EPS8L2: variants seen among roughly 807,000 people sequenced by gnomAD.
EPS8L2 encodes epidermal growth factor receptor kinase substrate 8-like protein 2.
In EPS8L2, 81 loss-of-function variants were observed where a neutral mutation model predicts 99.4. That is an observed-to-expected ratio of 0.82 (90% confidence interval 0.68 to 0.98). The LOEUF is 0.98. EPS8L2 is among the 50% of genes least tolerant of loss of function. The pLI, the probability that EPS8L2 is intolerant of heterozygous loss-of-function variation, is 0.00. For synonymous variants in EPS8L2, 509 were observed against 407.3 expected (o/e 1.25, Z -3.01); for missense variants, 1,155 against 968.8 (o/e 1.19, Z -2.55).
intron 3 of EPS8L2, chr11:709,943 C>T (rs1861839420): frequency 2.2e-6 from 1 of 458,398 alleles, no homozygotes; most frequent in African/African-American, 2.0e-5. Flanking sequence ...GGCCAGCCCC[C>T]ACCTCCCCCC....
intron 18 of EPS8L2, 63 bp downstream of exon 18, chr11:726,233 G>T (rs1016949585): frequency 2.6e-6 from 4 of 1,561,048 alleles, no homozygotes; most frequent in Admixed American, 3.8e-5. Flanking sequence ...AGGAAGTGTG[G>T]GGGGGGTCCC....
At chr11:717,827 G>T (rs1292034248) in intron 4 of EPS8L2, among the ~76,000 whole-genome samples, 1 of 150,836 alleles carries the variant, frequency 6.6e-6, no homozygotes, top group Admixed American at 6.6e-5. Context: ...GGCTAATATG[G>T]TGAAACCCCA....
At position 720,190 on chromosome 11, in the gene EPS8L2, C is replaced by T; in HGVS notation, c.294C>T (p.Asp98=). The T allele has an allele frequency of 1.2e-6, 2 of 1,613,352 alleles. No individual in the cohort carries two copies. The highest frequency in any genetic ancestry group is 2.2e-5 in the East Asian group (1 of 44,868). The change falls in exon 5 of 21, where the codon GAC becomes GAT. Residue 98 remains aspartate, a synonymous_variant. Coordinates refer to ENST00000318562, the MANE Select transcript of EPS8L2 (RefSeq NM_022772.4). ...AGGAGATGCTGCTGCAGGTGAACGA[C>T]CAGTCGCTGCGGCTGCTGGACATCG... The part of the protein sequence containing the change: ...WTQEMLLQVN[D]QSLRLLDIES...
intron 4 of EPS8L2, among the ~76,000 whole-genome samples, chr11:711,741 T>C (rs1861894798): frequency 6.6e-6 from 1 of 151,970 alleles, no homozygotes; most frequent in Non-Finnish European, 1.5e-5. Context: ...CCCAGCACTT[T>C]GGGAGGCTGA....
rs1862206445 is a variant in EPS8L2, at chr11:722,454, G to A, written c.1113G>A (p.Leu371=). 2 of 1,613,488 alleles carry A rather than the reference G, an allele frequency of 1.2e-6. No individual in the cohort carries two copies. The highest frequency in any genetic ancestry group is 1.7e-6 in the Non-Finnish European group (2 of 1,179,946). ...TCGCACGCTCCGTCTCCTGCCCACT[G>A]CTCTCCCGAGATGCCGTGGACTTCC... ...PDIARSVSCP[L]LSRDAVDFLR... Residue 371 remains leucine, a synonymous_variant, in exon 13 of 21, where the codon CTG becomes CTA. Transcript: ENST00000318562.
At position 727,291 on chromosome 11, in the gene EPS8L2, T is replaced by A. The variant is rs1314453071; in HGVS notation, c.*310T>A. 2 of 280,812 alleles carry A rather than the reference T, an allele frequency of 7.1e-6. No individual in the cohort carries two copies. Among genetic ancestry groups the A allele is most frequent in the African/African-American group, 2.2e-5 (1 of 44,536 alleles). 17.4% of individuals were successfully genotyped at this position (280,812 alleles called of 1,614,324 possible). The stretch of plus-strand genomic sequence containing the variant: ...CTTTCTCTGGCCTCCCCTGTGCACC[T>A]GGGGGGTCCTGGCCCCTGTGATGCT... On this transcript the variant is annotated 3_prime_UTR_variant, in exon 21 of 21. Transcript: ENST00000318562.
Position 724,684 on chromosome 11 carries a change from C to A in EPS8L2, c.1455-40C>A. On this transcript the variant is annotated intron_variant, in intron 15 of 20. Coordinates refer to ENST00000318562, the MANE Select transcript of EPS8L2 (RefSeq NM_022772.4). This position sits in a 1 kb window ranked among gnomAD's most constrained non-coding sequence, Gnocchi z 5.5. ...CCACTGCCCAGGTCTCAGAGGAGACCCCCACCAGACTGGGCCTCAGCCCCT... is the reference window on the plus strand; with the variant it reads ...CCACTGCCCAGGTCTCAGAGGAGACACCCACCAGACTGGGCCTCAGCCCCT... 1 of 1,465,102 alleles carries A rather than the reference C, an allele frequency of 6.8e-7. No individual in the cohort carries two copies. The highest frequency in any genetic ancestry group is 9.6e-7 in the Non-Finnish European group (1 of 1,045,896). The allele number at this position is 1,465,102 out of a possible 1,614,324, so 90.8% of individuals were successfully genotyped here. A position where few individuals can be genotyped will look rare whatever the true frequency, so the allele number is the denominator to read the frequency against.
rs1861847947 is a variant in EPS8L2, at chr11:710,215, G to A, written c.101-207G>A. On this transcript the variant is annotated intron_variant, in intron 3 of 20. Coordinates refer to ENST00000318562, the MANE Select transcript of EPS8L2 (RefSeq NM_022772.4). ...AAGCCCATCGCCTTCTCCGAGCTGC[G>A]TCCTTCTCCAAGGGGGCTTCCCTGG... The A allele has an allele frequency of 5.2e-6, 3 of 572,002 alleles. 1 individual carries two copies. Among genetic ancestry groups the A allele is most frequent in the Admixed American group, 2.9e-5 (1 of 34,086 alleles). The allele number at this position is 572,002 out of a possible 1,614,324, so 35.4% of individuals were successfully genotyped here.
At chr11:719,443 G>A (rs958691181) in intron 4 of EPS8L2, among the ~76,000 whole-genome samples, 5 of 152,238 alleles carry the variant, frequency 3.3e-5, no homozygotes, top group African/African-American at 1.2e-4. Flanking sequence ...GGCCTGGAAA[G>A]AGGAGAGGTG....
At position 720,985 on chromosome 11, in the gene EPS8L2, G is replaced by GGGGA. The variant is rs1554952095; in HGVS notation, c.558-75_558-72dup. 397 of 1,372,700 alleles carry GGGGA rather than the reference G, an allele frequency of 2.9e-4. 3 individuals are homozygous for GGGGA. In the East Asian group the frequency reaches 4.7e-3, roughly 16 times the overall value. The allele number at this position is 1,372,700 out of a possible 1,614,324, so 85.0% of individuals were successfully genotyped here. ...CGGCAGGGGAGGGGAGGAGCCGGCA[G>GGGGA]GGGAGGGGAGGAGCCCGGCAGGGAG... On this transcript the variant is annotated intron_variant, in intron 7 of 20. Transcript: ENST00000318562.
Position 720,583 on chromosome 11 carries a change from C to A in EPS8L2, c.328-14C>A. ...ACCCCGGGTGCGAGTCGTGTCCGCG[C>A]GATGTACCCGCAGGAGGAGCTGGAA... is the stretch of plus-strand genomic sequence containing the variant. On this transcript the variant is annotated splice_polypyrimidine_tract_variant and intron_variant, in intron 5 of 20. Transcript: ENST00000318562. 1 of 1,594,332 alleles carries A rather than the reference C, an allele frequency of 6.3e-7. No individual in the cohort carries two copies. Among genetic ancestry groups the A allele is most frequent in the Non-Finnish European group, 8.5e-7 (1 of 1,172,346 alleles).
intron 4 of EPS8L2, among the ~76,000 whole-genome samples, chr11:710,801 G>A (rs1861869773): frequency 6.6e-6 from 1 of 152,150 alleles, no homozygotes; most frequent in African/African-American, 2.4e-5. Flanking sequence ...GAAAGCTCCA[G>A]GGAGAGTGGT....
chr11:707,613 C>T (rs764187879), intron 1 of EPS8L2, among the ~76,000 whole-genome samples: 4 of 152,042 alleles, frequency 2.6e-5, no homozygotes, highest in Admixed American at 1.3e-4. Context: ...CCCAGGGGGG[C>T]GGGGCTCCCA....
Position 720,848 on chromosome 11 carries a change from G to A in EPS8L2, c.496G>A (p.Asp166Asn). Reference protein sequence around the residue: ...DEVEAELVHEDIESALADCRL... With the variant: ...DEVEAELVHENIESALADCRL... ...TTCCCAGGCAGAGCTGGTGCACGAG[G>A]ACATCGAGAGCGCGTTGGCCGACTG... The change falls in exon 7 of 21, where the codon GAC becomes AAC. Residue 166 changes from aspartate (D) to asparagine (N), a missense_variant. Physicochemically the swap from Asp to Asn is conservative, Grantham distance 23. Transcript: ENST00000318562. 6.5e-7 allele frequency: 1 copy of A among 1,540,588 alleles called. No individual in the cohort carries two copies. The highest frequency in any genetic ancestry group is 8.7e-7 in the Non-Finnish European group (1 of 1,146,072).
In EPS8L2 at chr11:719,256, C is replaced by T. The variant is rs746213560; in HGVS notation, c.166-806C>T. On this transcript the variant is annotated intron_variant, in intron 4 of 20. Coordinates refer to ENST00000318562, the MANE Select transcript of EPS8L2 (RefSeq NM_022772.4). ...TGCTGGGATGATAGATGTGAGCCAC[C>T]GCGCCCGGCCACACAAACTTTTATG... Among the ~76,000 whole-genome samples the T allele has an allele frequency of 3.0e-4, 46 of 152,326 alleles. 1 individual carries two copies. The highest frequency in any genetic ancestry group is 1.9e-3 in the South Asian group (9 of 4,830).
At chr11:722,058 C>A in intron 11 of EPS8L2, 33 bp from the exon 12 acceptor site, 1 of 1,610,592 alleles carries the variant, frequency 6.2e-7, no homozygotes, top group African/African-American at 1.3e-5. Flanking sequence ...CCCCGCCCCG[C>A]CCCGGCACCT....
chr11:720,144 C>T lies in EPS8L2; in HGVS notation c.248C>T (p.Ser83Phe), dbSNP rs1217154941. ...ATCCGGAAGCTGGTGCAGCTGAGCT[C>T]CAAGGAGAAGATCTGGACCCAGGAG... is the stretch of plus-strand genomic sequence containing the variant. ...DAIRKLVQLS[S>F]KEKIWTQEML... The change falls in exon 5 of 21, where the codon TCC becomes TTC. Residue 83 changes from serine (S) to phenylalanine (F), a missense_variant. By Grantham distance (155) the Ser-to-Phe change is radical. Transcript: ENST00000318562. The T allele has an allele frequency of 2.5e-6, 4 of 1,613,302 alleles. No homozygotes were observed. In the African/African-American group the frequency reaches 5.3e-5, roughly 22 times the overall value.
At position 709,381 on chromosome 11, in the gene EPS8L2, C is replaced by A. The variant is rs902783319; in HGVS notation, c.-27C>A. ...CGGGGCCACACTGAGGTCTGCCCTT[C>A]TCCCGCTGGCCGCCACCCAAGACAC... On this transcript the variant is annotated 5_prime_UTR_variant, in exon 2 of 21. Coordinates refer to ENST00000318562, the MANE Select transcript of EPS8L2 (RefSeq NM_022772.4). 1.1e-5 allele frequency: 17 copies of A among 1,564,212 alleles called. No homozygotes were observed. The highest frequency in any genetic ancestry group is 1.5e-5 in the Non-Finnish European group (17 of 1,155,930).
chr11:725,886 T>G (rs1023361820), intron 17 of EPS8L2, 39 bp downstream of exon 17: 26 of 1,357,128 alleles, frequency 1.9e-5, no homozygotes, highest in Non-Finnish European at 2.4e-5. Context: ...AGCCCCCAGC[T>G]TCCTGGAGCA....
Sources: gnomAD v4.1 joint callset for allele counts (sites outside exome capture counted in the v4.1 genomes callset) on GRCh38, gnomAD v4.1.1 for gene constraint, Gnocchi (gnomAD v3.1) non-coding constraint, MANE v1.5 for transcripts, NCBI Gene and HGNC (gene_info 2026-07-23, HGNC 2026-07-21) for gene names.